The following UGGT2 variants were observed in gnomAD, a reference collection of about 807,000 sequenced individuals.
The protein encoded by UGGT2 is UDP-glucose:glycoprotein glucosyltransferase 2.
A neutral mutation model predicts 192.1 loss-of-function variants in UGGT2; 180 were observed. That is an observed-to-expected ratio of 0.94 (90% confidence interval 0.83 to 1.06). The LOEUF is 1.06. Ranked by LOEUF, UGGT2 falls within the 50% of genes least tolerant of loss-of-function variation. UGGT2 has a pLI of 0.00. For synonymous variants in UGGT2, 580 were observed against 591.0 expected, an observed-to-expected ratio of 0.98 and a Z score of 0.27; for missense variants, 1,849 against 1,795.7, an observed-to-expected ratio of 1.03 and a Z score of -0.54.
intron 36 of UGGT2, among the ~76,000 whole-genome samples, chr13:95,840,894 C>T (rs1887789042): frequency 6.6e-6 from 1 of 152,144 alleles, no homozygotes; most frequent in Non-Finnish European, 1.5e-5. Flanking sequence ...AGTTCATGTC[C>T]TTTGCAGGAT....
chr13:95,983,759 T>C, intron 10 of UGGT2, 45 bp downstream of exon 10: 1 of 1,325,558 alleles, frequency 7.5e-7, no homozygotes, highest in African/African-American at 1.5e-5. Context: ...TCAGAAACAG[T>C]GATATTAGTT....
At chr13:95,949,686 C>A (rs2049996132) in intron 12 of UGGT2, among the ~76,000 whole-genome samples, 1 of 152,122 alleles carries the variant, frequency 6.6e-6, no homozygotes, top group South Asian at 2.1e-4. Flanking sequence ...ATTCCTTTCA[C>A]TTGTGTTTGT....
chr13:95,882,259 G>A lies in UGGT2; in HGVS notation c.3228+2232C>T, dbSNP rs569419401. Among the ~76,000 whole-genome samples, 211 of 152,292 alleles carry A rather than the reference G, an allele frequency of 1.4e-3. 1 individual carries two copies. The highest frequency in any genetic ancestry group is 4.7e-3 in the African/African-American group (197 of 41,558). ...TTTAATTATGAAATTAATGCTGGTT[G>A]TGCAATAATGTCAATGTAGTGACAA... is the stretch of plus-strand genomic sequence containing the variant. On this transcript the variant is annotated intron_variant, in intron 27 of 38. Transcript: ENST00000376747.
At chr13:95,875,536 C>A (rs1431534971) in intron 29 of UGGT2, among the ~76,000 whole-genome samples, 1 of 152,158 alleles carries the variant, frequency 6.6e-6, no homozygotes, top group Non-Finnish European at 1.5e-5. Context: ...TATTAACTTT[C>A]CAAACGAAAA....
At chr13:96,037,927 A>G (rs2053053130) in intron 1 of UGGT2, among the ~76,000 whole-genome samples, 1 of 152,248 alleles carries the variant, frequency 6.6e-6, no homozygotes, top group Non-Finnish European at 1.5e-5. Context: ...TTGGCCTGCT[A>G]TTCTCACATA....
At position 95,884,500 on chromosome 13, in the gene UGGT2, G is replaced by A; in HGVS notation, c.3219C>T (p.His1073=). ...VHSNCDLDNI[H]LKDTEKTVTA... Reference sequence around the variant, plus strand: ...ATACACAATAACTTACATCCTTTAAGTGAATATTATCAAGGTCACAGTTGC... The same window carrying A: ...ATACACAATAACTTACATCCTTTAAATGAATATTATCAAGGTCACAGTTGC... Residue 1073 remains histidine, a synonymous_variant, in exon 27 of 39, where the codon CAC becomes CAT. Transcript: ENST00000376747. The A allele has an allele frequency of 6.2e-7, 1 of 1,609,754 alleles. No individual in the cohort carries two copies. The highest frequency in any genetic ancestry group is 8.5e-7 in the Non-Finnish European group (1 of 1,178,326).
At chr13:95,815,751 C>T (rs1484863174) in intron 38 of UGGT2, among the ~76,000 whole-genome samples, 1 of 152,094 alleles carries the variant, frequency 6.6e-6, no homozygotes, top group African/African-American at 2.4e-5. Flanking sequence ...TGCAAAAAAA[C>T]TTATAATATA....
chr13:95,834,907 T>C (rs1452974908), intron 37 of UGGT2, among the ~76,000 whole-genome samples: 2 of 152,160 alleles, frequency 1.3e-5, no homozygotes, highest in Non-Finnish European at 2.9e-5. Context: ...ATGAAAACCA[T>C]ACACATAATT....
intron 2 of UGGT2, among the ~76,000 whole-genome samples, chr13:96,031,126 G>A (rs557371572): frequency 3.3e-5 from 5 of 152,124 alleles, no homozygotes; most frequent in Admixed American, 3.3e-4. Flanking sequence ...TTGATAACAG[G>A]GGAGGCTATT....
chr13:96,007,811 T>G (rs1158630293), intron 5 of UGGT2, among the ~76,000 whole-genome samples: 2 of 152,136 alleles, frequency 1.3e-5, no homozygotes, highest in Non-Finnish European at 1.5e-5. Flanking sequence ...TGGAAAGATA[T>G]TCCATGTTCA....
chr13:95,991,078 A>G (rs2051442794), intron 7 of UGGT2: 1 of 155,902 alleles, frequency 6.4e-6, no homozygotes, highest in South Asian at 1.9e-4. Context: ...GATGCAGAGT[A>G]TTCTATGGTG....
chr13:95,853,451 A>C, intron 36 of UGGT2, 92 bp downstream of exon 36: 1 of 967,146 alleles, frequency 1.0e-6, no homozygotes. Context: ...TTGAGAAAAA[A>C]CTCAAAATAT....
At chr13:96,004,141 T>A (rs2051894872) in intron 5 of UGGT2, among the ~76,000 whole-genome samples, 1 of 150,306 alleles carries the variant, frequency 6.7e-6, no homozygotes, top group African/African-American at 2.5e-5. Context: ...TATCCCCAGG[T>A]AAGCAGCAAA....
rs747753592 is a variant in UGGT2, at chr13:95,927,235, G to A, written c.2079C>T (p.Tyr693=). The change falls in exon 18 of 39, where the codon TAC becomes TAT. Residue 693 remains tyrosine, a synonymous_variant. Coordinates refer to ENST00000376747, the MANE Select transcript of UGGT2 (RefSeq NM_020121.4). Reference sequence around the variant, plus strand: ...TACCTGATGTAGATATTAAATTGAGGTACTGCTGGTTAGTACGCAAAATCA... The same window carrying A: ...TACCTGATGTAGATATTAAATTGAGATACTGCTGGTTAGTACGCAAAATCA... ...NTLILRTNQQ[Y]LNLISTSVTA... 6.2e-7 allele frequency: 1 copy of A among 1,611,610 alleles called. No homozygotes were observed. Among genetic ancestry groups the A allele is most frequent in the African/African-American group, 1.3e-5 (1 of 74,822 alleles).
chr13:96,039,321 T>C (rs1209468615), intron 1 of UGGT2, among the ~76,000 whole-genome samples: 1 of 152,210 alleles, frequency 6.6e-6, no homozygotes, highest in Admixed American at 6.5e-5. Flanking sequence ...AAGCTGACAG[T>C]GTTTCTAATA....
chr13:95,910,627 C>CACAATA (rs2140339819), intron 20 of UGGT2, among the ~76,000 whole-genome samples: 1 of 152,234 alleles, frequency 6.6e-6, no homozygotes, highest in South Asian at 2.1e-4. Context: ...TAGACTCCCA[C>CACAATA]ACAATAATAA....
rs138907354 is a variant in UGGT2, at chr13:95,932,402, TG to T, written c.1977+4521del. ...TTCTTGATTTGGCTCTCAGCTTGAATGTTATTGGTCTATAGAAATGCTACTG... is the reference window on the plus strand; with the variant it reads ...TTCTTGATTTGGCTCTCAGCTTGAATTTATTGGTCTATAGAAATGCTACTG... On this transcript the variant is annotated intron_variant, in intron 17 of 38. Coordinates refer to ENST00000376747, the MANE Select transcript of UGGT2 (RefSeq NM_020121.4). 9.4e-4 allele frequency among the ~76,000 whole-genome samples: 143 copies of T among 151,610 alleles called. 1 individual carries two copies. The East Asian group carries it at 0.016, about 17-fold the overall frequency.
Position 95,928,208 on chromosome 13 carries a change from C to T in UGGT2, c.1978-872G>A, listed in dbSNP as rs2049097513. On this transcript the variant is annotated intron_variant, in intron 17 of 38. Coordinates refer to ENST00000376747, the MANE Select transcript of UGGT2 (RefSeq NM_020121.4). The stretch of plus-strand genomic sequence containing the variant: ...CCTCCCAGACGGGGTGGCGGCCGGG[C>T]AGAGGCGCCCCCCACCTCCCGGACG... 5.3e-5 allele frequency among the ~76,000 whole-genome samples: 8 copies of T among 152,186 alleles called. No homozygotes were observed. In the South Asian group the frequency reaches 1.7e-3, roughly 32 times the overall value.
At chr13:95,852,430 C>T (rs1291455178) in intron 36 of UGGT2, among the ~76,000 whole-genome samples, 1 of 152,162 alleles carries the variant, frequency 6.6e-6, no homozygotes, top group Non-Finnish European at 1.5e-5. Flanking sequence ...TACCTGCAAG[C>T]CCCAGCCCCT....
Sources: allele counts gnomAD v4.1 joint callset (sites outside exome capture counted in the v4.1 genomes callset), GRCh38; gene constraint gnomAD v4.1.1; transcripts MANE v1.5; gene names NCBI Gene and HGNC (gene_info 2026-07-23, HGNC 2026-07-21).